Variants in NFATC3 observed in about 807,000 individuals in gnomAD.
NFATC3 encodes the protein nuclear factor of activated T-cells, cytoplasmic 3.
Under a neutral mutation model 98.6 loss-of-function variants are expected in NFATC3, and 46 were observed. That is an observed-to-expected ratio of 0.47 (90% CI 0.37 to 0.60). The LOEUF is 0.60. NFATC3 is among the 20% of genes least tolerant of loss of function. The probability of loss-of-function intolerance (pLI) is 0.00; values close to 1 mark genes in which losing one functional copy is unlikely to be tolerated. For synonymous variants in NFATC3, 512 were observed against 472.2 expected (o/e 1.08, Z -1.09); for missense variants, 1,256 against 1,295.5 (o/e 0.97, Z 0.47).
intron 5 of NFATC3, among the ~76,000 whole-genome samples, chr16:68,168,054 G>A (rs1019841642): frequency 6.6e-6 from 1 of 151,668 alleles, no homozygotes; most frequent in African/African-American, 2.4e-5. Flanking sequence ...GGCTGCCCTC[G>A]AAATCCTGAC....
At chr16:68,138,787 T>G (rs1373230723) in intron 3 of NFATC3, 2 of 1,264,316 alleles carry the variant, frequency 1.6e-6, no homozygotes, top group Non-Finnish European at 2.0e-6. Flanking sequence ...TACTTAAATC[T>G]TTGGTGGTTA....
At chr16:68,093,825 C>G (rs547237234) in intron 1 of NFATC3, among the ~76,000 whole-genome samples, 1 of 152,266 alleles carries the variant, frequency 6.6e-6, no homozygotes, top group Non-Finnish European at 1.5e-5. Flanking sequence ...CTGCCTCTTG[C>G]CTTGCTATTC....
At chr16:68,177,032 C>CT (rs548092276) in intron 6 of NFATC3, among the ~76,000 whole-genome samples, 20,869 of 132,912 alleles carry the variant, frequency 0.16, 1,582 homozygotes, top group Middle Eastern at 0.24. Context: ...CTTTTCTTTT[C>CT]TTTTTTTTTT....
At chr16:68,171,637 C>T (rs1208246607) in intron 5 of NFATC3, among the ~76,000 whole-genome samples, 1 of 151,856 alleles carries the variant, frequency 6.6e-6, no homozygotes, top group Non-Finnish European at 1.5e-5. Flanking sequence ...CTGTGCCCGA[C>T]TAATTTTTTT....
chr16:68,157,511 A>C (rs2038681700), intron 3 of NFATC3, among the ~76,000 whole-genome samples: 1 of 152,190 alleles, frequency 6.6e-6, no homozygotes, highest in Non-Finnish European at 1.5e-5. Context: ...ATATACCCAA[A>C]TCTTTAGGTC....
At chr16:68,190,682 T>C in intron 8 of NFATC3, 86 bp from the exon 9 acceptor site, 2 of 1,398,834 alleles carry the variant, frequency 1.4e-6, no homozygotes, top group Non-Finnish European at 1.9e-6. Flanking sequence ...CAGCTTACGC[T>C]GTAGTTGTGT....
At chr16:68,143,209 TAAA>T (rs5817630) in intron 3 of NFATC3, among the ~76,000 whole-genome samples, 1 of 49,770 alleles carries the variant, frequency 2.0e-5, no homozygotes, top group Admixed American at 2.2e-4. Flanking sequence ...AAGACCATGC[TAAA>T]AAAAAAAAAA....
At chr16:68,144,654 T>C (rs2037940198) in intron 3 of NFATC3, among the ~76,000 whole-genome samples, 1 of 151,852 alleles carries the variant, frequency 6.6e-6, no homozygotes. Flanking sequence ...CTCAACTTCA[T>C]TTTTTTATTT....
At chr16:68,146,058 T>A (rs2038025820) in intron 3 of NFATC3, among the ~76,000 whole-genome samples, 1 of 152,086 alleles carries the variant, frequency 6.6e-6, no homozygotes, top group African/African-American at 2.4e-5. Context: ...TTTTCAAATT[T>A]TGGAATATTT....
intron 9 of NFATC3, among the ~76,000 whole-genome samples, chr16:68,214,733 G>A (rs764570954): frequency 5.9e-5 from 9 of 152,204 alleles, no homozygotes; most frequent in Non-Finnish European, 1.3e-4. Context: ...GGTTTGGGTT[G>A]CTCAGTAAAT....
chr16:68,212,027 A>G (rs757198320), intron 9 of NFATC3, among the ~76,000 whole-genome samples: 12 of 152,154 alleles, frequency 7.9e-5, no homozygotes, highest in Non-Finnish European at 1.5e-4. Context: ...TGTTCCTGGG[A>G]TGCTTTCTTA....
At chr16:68,109,715 T>C (rs777400458) in intron 1 of NFATC3, among the ~76,000 whole-genome samples, 6 of 152,192 alleles carry the variant, frequency 3.9e-5, no homozygotes, top group African/African-American at 9.6e-5. Context: ...GGGCTTATTT[T>C]GGTTGGTAGG....
intron 4 of NFATC3, among the ~76,000 whole-genome samples, chr16:68,159,040 T>C (rs1268118959): frequency 2.0e-5 from 3 of 152,192 alleles, no homozygotes; most frequent in African/African-American, 7.2e-5. Context: ...CAGACCAGCC[T>C]GAGCAACATG....
chr16:68,145,395 C>T (rs574367213), intron 3 of NFATC3, among the ~76,000 whole-genome samples: 15 of 152,200 alleles, frequency 9.9e-5, no homozygotes, highest in Non-Finnish European at 1.6e-4. Flanking sequence ...GATTCATCCA[C>T]TTCAGCCTTC....
intron 1 of NFATC3, among the ~76,000 whole-genome samples, chr16:68,103,586 G>A (rs2035485052): frequency 6.6e-6 from 1 of 152,160 alleles, no homozygotes; most frequent in Non-Finnish European, 1.5e-5. Flanking sequence ...TTCTTTTGTT[G>A]CTTGTGCTTT....
In NFATC3 at chr16:68,226,458, C is replaced by G; in HGVS notation, c.3215C>G (p.Ser1072Cys). Residue 1072 changes from serine to cysteine, a missense_variant, in exon 10 of 10, where the codon TCT becomes TGT. Physicochemically the swap from Ser to Cys is moderately radical, Grantham distance 112. Around this residue, in one of 3 missense-constraint regions of NFATC3, gnomAD observed 636 missense variants for 617.3 expected, o/e 1.03. Transcript: ENST00000346183. Reference sequence around the variant, plus strand: ...CCTGAGTCCCTGGATTTAGGAAGATCTGATGGGCTCTAACAGTGCTTACTG... The same window carrying G: ...CCTGAGTCCCTGGATTTAGGAAGATGTGATGGGCTCTAACAGTGCTTACTG... ...PSPESLDLGR[S>C]DGL 6.5e-7 allele frequency: 1 copy of G among 1,548,944 alleles called. No individual in the cohort carries two copies. The highest frequency in any genetic ancestry group is 1.2e-5 in the South Asian group (1 of 81,230).
Position 68,203,817 on chromosome 16 carries a change from G to A in NFATC3, c.3106+12042G>A, listed in dbSNP as rs117637493. Among the ~76,000 whole-genome samples, 114 of 152,228 alleles carry A rather than the reference G, an allele frequency of 7.5e-4. 3 individuals carry two copies. The East Asian group carries it at 0.018, about 24-fold the overall frequency. On this transcript the variant is annotated intron_variant, in intron 9 of 9. Coordinates refer to ENST00000346183, the MANE Select transcript of NFATC3 (RefSeq NM_173165.3). ...TGTAATCCCAGCACTTTGAAAGACC[G>A]AGATGGGAGGATCATTTGACATCAG...
At chr16:68,209,839 A>T in intron 9 of NFATC3, 3 of 350,554 alleles carry the variant, frequency 8.6e-6, no homozygotes, top group South Asian at 6.6e-5. Flanking sequence ...CTGCCCCCCA[A>T]CACACACACA....
At chr16:68,141,592 G>A (rs1282091473) in intron 3 of NFATC3, among the ~76,000 whole-genome samples, 3 of 152,158 alleles carry the variant, frequency 2.0e-5, no homozygotes, top group East Asian at 3.9e-4. Context: ...TCATACGTTT[G>A]TGGGCCATTT....
Sources: gnomAD v4.1 joint callset for allele counts (sites outside exome capture counted in the v4.1 genomes callset) on GRCh38, gnomAD v4.1.1 for gene constraint, gnomAD v4.1.1 regional missense constraint, MANE v1.5 for transcripts, NCBI Gene and HGNC (gene_info 2026-07-23, HGNC 2026-07-21) for gene names.